The following CSMD1 variants were observed in gnomAD, a reference collection of about 807,000 sequenced individuals.
CSMD1 encodes CUB and Sushi multiple domains 1.
In CSMD1, 213 loss-of-function variants were observed where a neutral mutation model predicts 417.5. The ratio of observed to expected loss-of-function variants is 0.51; its 90% CI spans 0.46 to 0.57. The LOEUF is 0.57. CSMD1 is among the 20% of genes least tolerant of loss of function. The pLI, the probability that CSMD1 is intolerant of heterozygous loss-of-function variation, is 0.00. For synonymous variants in CSMD1, 2,862 were observed against 1,736.8 expected (o/e 1.65, Z -16.11); for missense variants, 6,923 against 4,529.7 (o/e 1.53, Z -15.17).
At chr8:4,576,381 C>A (rs1799138563) in intron 2 of CSMD1, among the ~76,000 whole-genome samples, 3 of 152,370 alleles carry the variant, frequency 2.0e-5, no homozygotes, top group South Asian at 4.1e-4. Flanking sequence ...TGGCCAAGAC[C>A]TTCCCCTGTC....
chr8:4,235,360 G>GTTTTTTTTTTTTTT (rs150464000), intron 3 of CSMD1, among the ~76,000 whole-genome samples: 1 of 148,636 alleles, frequency 6.7e-6, no homozygotes, highest in Non-Finnish European at 1.5e-5. Context: ...GACGTGTTTT[G>GTTTTTTTTTTTTTT]TTTTTTTTTT....
At chr8:3,306,202 ATTACTAAGCTTGATAGGGTGGCT>A (rs1225574576) in intron 25 of CSMD1, among the ~76,000 whole-genome samples, 9 of 152,202 alleles carry the variant, frequency 5.9e-5, no homozygotes, top group Non-Finnish European at 1.2e-4. Flanking sequence ...TGTAATACAC[ATTACTAAGCTTGATAGGGTGGCT>A]TTTCTGAATA....
chr8:3,901,472 T>C (rs775644172), intron 5 of CSMD1, among the ~76,000 whole-genome samples: 5 of 152,242 alleles, frequency 3.3e-5, no homozygotes, highest in African/African-American at 7.2e-5. Flanking sequence ...TTCCACTTGA[T>C]AGATCTCACA....
At chr8:3,599,328 T>C (rs1396718807) in intron 8 of CSMD1, among the ~76,000 whole-genome samples, 1 of 152,164 alleles carries the variant, frequency 6.6e-6, no homozygotes, top group East Asian at 1.9e-4. Context: ...TCTACCCTCT[T>C]AGCAAATTCT....
intron 3 of CSMD1, among the ~76,000 whole-genome samples, chr8:4,366,963 A>G (rs1400222468): frequency 2.6e-5 from 4 of 151,906 alleles, no homozygotes; most frequent in Admixed American, 2.6e-4. Flanking sequence ...TTGGATGTGT[A>G]CTCTGCAAAT....
At chr8:4,068,619 T>A (rs987634774) in intron 3 of CSMD1, among the ~76,000 whole-genome samples, 1 of 152,176 alleles carries the variant, frequency 6.6e-6, no homozygotes, top group Non-Finnish European at 1.5e-5. Context: ...CTAGTTCATA[T>A]AATGTTACCA....
intron 1 of CSMD1, among the ~76,000 whole-genome samples, chr8:4,694,599 A>G (rs913375708): frequency 6.6e-6 from 1 of 151,818 alleles, no homozygotes; most frequent in African/African-American, 2.4e-5. Context: ...TCCTGACCTC[A>G]TGACCTGCCC....
chr8:3,182,197 T>C lies in CSMD1; in HGVS notation c.5621-983A>G, dbSNP rs911050632. 3.3e-5 allele frequency among the ~76,000 whole-genome samples: 5 copies of C among 152,200 alleles called. 1 individual carries two copies. The highest frequency in any genetic ancestry group is 3.3e-4 in the Admixed American group (5 of 15,274). On this transcript the variant is annotated intron_variant, in intron 36 of 69. Coordinates refer to ENST00000635120, the MANE Select transcript of CSMD1 (RefSeq NM_033225.6). ...AAACAGATGAACATTATTGAAAAGATAAGATTGTCTATCATCCTTAGCTCA... is the reference window on the plus strand; with the variant it reads ...AAACAGATGAACATTATTGAAAAGACAAGATTGTCTATCATCCTTAGCTCA...
chr8:4,754,851 A>G (rs904643227), intron 1 of CSMD1, among the ~76,000 whole-genome samples: 1 of 152,060 alleles, frequency 6.6e-6, no homozygotes, highest in African/African-American at 2.4e-5. Context: ...TTAAAAAAAC[A>G]AAGTCGGATG....
At position 2,942,485 on chromosome 8, in the gene CSMD1, G is replaced by A. The variant is rs1438665213; in HGVS notation, c.10522C>T (p.Leu3508Phe). The A allele has an allele frequency of 6.2e-7, 1 of 1,612,730 alleles. No individual in the cohort carries two copies. The highest frequency in any genetic ancestry group is 8.5e-7 in the Non-Finnish European group (1 of 1,179,324). ...TTTCTGCAGTACCTGTGTTTGTAGA[G>A]GTAAAATGCAAACCCTGATAAAATT... ...ALILSGFAFYLYKHRTRPKVQ... is the reference protein window; with the variant it reads ...ALILSGFAFYFYKHRTRPKVQ... Residue 3508 changes from leucine to phenylalanine, a missense_variant, in exon 69 of 70, where the codon CTC becomes TTC. Physicochemically the swap from Leu to Phe is conservative, Grantham distance 22 (BLOSUM62 0). Coordinates refer to ENST00000635120, the MANE Select transcript of CSMD1 (RefSeq NM_033225.6).
At chr8:3,936,589 G>C (rs931237816) in intron 5 of CSMD1, among the ~76,000 whole-genome samples, 7 of 152,110 alleles carry the variant, frequency 4.6e-5, no homozygotes, top group Non-Finnish European at 1.0e-4. Flanking sequence ...TTATAGCATG[G>C]TTTACTGAAT....
intron 26 of CSMD1, among the ~76,000 whole-genome samples, chr8:3,258,400 C>G (rs1311712367): frequency 6.6e-6 from 1 of 152,172 alleles, no homozygotes; most frequent in East Asian, 1.9e-4. Context: ...GAGATACCAT[C>G]TCACACCAGT....
At chr8:3,564,225 T>C (rs1026502596) in intron 10 of CSMD1, among the ~76,000 whole-genome samples, 12 of 152,192 alleles carry the variant, frequency 7.9e-5, no homozygotes, top group South Asian at 2.1e-4. Flanking sequence ...TACTCTACTA[T>C]TGAATACTAG....
At chr8:4,026,438 ATGT>A in intron 4 of CSMD1, among the ~76,000 whole-genome samples, 1 of 152,228 alleles carries the variant, frequency 6.6e-6, no homozygotes, top group South Asian at 2.1e-4. Flanking sequence ...GCTGACTGTT[ATGT>A]CAACTTTGAC....
At chr8:3,803,828 A>G (rs1055434298) in intron 5 of CSMD1, among the ~76,000 whole-genome samples, 3 of 152,210 alleles carry the variant, frequency 2.0e-5, no homozygotes, top group African/African-American at 7.2e-5. Flanking sequence ...CACTGTAGAC[A>G]CCTTAATAAA....
chr8:3,371,477 CTTTTTTT>C (rs11443729), intron 18 of CSMD1, among the ~76,000 whole-genome samples: 4 of 146,910 alleles, frequency 2.7e-5, no homozygotes, highest in African/African-American at 9.9e-5. Flanking sequence ...GGTTCCTTTG[CTTTTTTT>C]TTTTTTAACA....
At chr8:3,050,612 C>T (rs1811758638) in intron 50 of CSMD1, among the ~76,000 whole-genome samples, 1 of 152,108 alleles carries the variant, frequency 6.6e-6, no homozygotes, top group African/African-American at 2.4e-5. Flanking sequence ...GCCTCCCATA[C>T]TATTACTTAA....
intron 6 of CSMD1, among the ~76,000 whole-genome samples, chr8:3,750,132 A>G (rs1437325499): frequency 6.6e-6 from 1 of 152,180 alleles, no homozygotes. Context: ...GCTAGGAACC[A>G]CAAAGGGTTT....
At chr8:4,350,808 T>C (rs145093244) in intron 3 of CSMD1, among the ~76,000 whole-genome samples, 2 of 152,314 alleles carry the variant, frequency 1.3e-5, no homozygotes, top group East Asian at 1.9e-4. Flanking sequence ...CTAGTTACTT[T>C]AGCAAGATGA....
Sources: gnomAD v4.1 joint callset for allele counts (sites outside exome capture counted in the v4.1 genomes callset) on GRCh38, gnomAD v4.1.1 for gene constraint, MANE v1.5 for transcripts, NCBI Gene and HGNC (gene_info 2026-07-23, HGNC 2026-07-21) for gene names.